The following METTL16 variants were observed in gnomAD, a reference collection of about 807,000 sequenced individuals.
The protein encoded by METTL16 is methyltransferase 16, RNA N6-adenosine, also known as RNA N(6)-adenosine-methyltransferase METTL16.
A neutral mutation model predicts 57.9 loss-of-function variants in METTL16; 19 were observed. That is an observed-to-expected ratio of 0.33 (90% CI 0.23 to 0.48). The LOEUF is 0.48. Ranked by LOEUF, METTL16 falls within the 20% of genes least tolerant of loss-of-function variation. The pLI, the probability that METTL16 is intolerant of heterozygous loss-of-function variation, is 0.99. For missense variants in METTL16, 434 were observed against 691.5 expected, an observed-to-expected ratio of 0.63 and a Z score of 4.18; for synonymous variants, 246 against 255.6, an observed-to-expected ratio of 0.96 and a Z score of 0.36.
At chr17:2,440,994 AAAGAAG>A (rs56938960) in intron 7 of METTL16, among the ~76,000 whole-genome samples, 20 of 118,916 alleles carry the variant, frequency 1.7e-4, no homozygotes, top group African/African-American at 3.3e-4. Flanking sequence ...AAAAAAAAAA[AAAGAAG>A]AAGAAGAAGA....
At chr17:2,507,520 G>T (rs1395357897) in intron 1 of METTL16, among the ~76,000 whole-genome samples, 1 of 146,484 alleles carries the variant, frequency 6.8e-6, no homozygotes, top group Non-Finnish European at 1.5e-5. Flanking sequence ...TCAGCCCCCC[G>T]CCCGGCCAGC....
chr17:2,428,594 TA>T (rs1371034775), intron 8 of METTL16, among the ~76,000 whole-genome samples: 14,164 of 49,850 alleles, frequency 0.28, 2,351 homozygotes, highest in East Asian at 0.58. Flanking sequence ...TATATATATA[TA>T]TATATATAAA....
Position 2,446,773 on chromosome 17 carries a change from G to A in METTL16, c.729-5214C>T, listed in dbSNP as rs555717541. Among the ~76,000 whole-genome samples the A allele has an allele frequency of 4.4e-4, 67 of 152,254 alleles. 1 individual carries two copies. The highest frequency in any genetic ancestry group is 1.4e-3 in the African/African-American group (60 of 41,574). ...TCTCGTTTTTTTTTTGGTGGAGACG[G>A]GGTTTTGCTGTGTTGGCCGGGCTGG... On this transcript the variant is annotated intron_variant, in intron 6 of 9. Transcript: ENST00000263092.
chr17:2,469,628 G>A (rs1382738542), intron 4 of METTL16, among the ~76,000 whole-genome samples: 4 of 152,118 alleles, frequency 2.6e-5, no homozygotes, highest in Non-Finnish European at 4.4e-5. Context: ...GGGTTCAAGC[G>A]ATTCTCCTGC....
At chr17:2,492,909 A>AAC (rs2067410727) in intron 2 of METTL16, among the ~76,000 whole-genome samples, 1 of 139,766 alleles carries the variant, frequency 7.2e-6, no homozygotes, top group East Asian at 2.2e-4. Flanking sequence ...AAAAAAAAAA[A>AAC]AAAAAAACAA....
chr17:2,433,644 C>T (rs1482283755), intron 8 of METTL16, among the ~76,000 whole-genome samples: 2 of 152,110 alleles, frequency 1.3e-5, no homozygotes, highest in African/African-American at 4.8e-5. Context: ...GTAGTTCACT[C>T]GATTGCTGTC....
At chr17:2,448,802 TAAA>T (rs71150866) in intron 6 of METTL16, among the ~76,000 whole-genome samples, 23 of 43,620 alleles carry the variant, frequency 5.3e-4, no homozygotes, top group African/African-American at 9.1e-4. Context: ...AAATAAAATT[TAAA>T]AAAAAAAAAA....
chr17:2,490,623 AAAT>A (rs1217183821), intron 2 of METTL16, among the ~76,000 whole-genome samples: 2 of 152,180 alleles, frequency 1.3e-5, no homozygotes, highest in Non-Finnish European at 2.9e-5. Flanking sequence ...GTATAGTAAA[AAAT>A]AATTCCTTTT....
chr17:2,489,283 T>C (rs1450997925), intron 2 of METTL16, among the ~76,000 whole-genome samples: 1 of 152,068 alleles, frequency 6.6e-6, no homozygotes, highest in Non-Finnish European at 1.5e-5. Context: ...ATTCCTATGC[T>C]AACTAAAGAG....
intron 8 of METTL16, among the ~76,000 whole-genome samples, chr17:2,425,979 C>T (rs1201776080): frequency 6.9e-6 from 1 of 144,738 alleles, no homozygotes; most frequent in African/African-American, 2.6e-5. Flanking sequence ...TGTGGTGTAG[C>T]TTGACACAGA....
At chr17:2,500,539 C>A (rs1261794243) in intron 2 of METTL16, among the ~76,000 whole-genome samples, 4 of 152,126 alleles carry the variant, frequency 2.6e-5, no homozygotes, top group Non-Finnish European at 5.9e-5. Context: ...ACCTTGGCCT[C>A]CCAAAGTGCT....
intron 2 of METTL16, among the ~76,000 whole-genome samples, chr17:2,495,171 A>G (rs376256181): frequency 6.6e-6 from 1 of 151,842 alleles, no homozygotes; most frequent in South Asian, 2.1e-4. Context: ...GTGAAACAAC[A>G]ACGACAAAAA....
intron 8 of METTL16, among the ~76,000 whole-genome samples, chr17:2,433,657 G>A (rs1246333874): frequency 1.3e-5 from 2 of 152,156 alleles, no homozygotes. Flanking sequence ...TTGCTGTCAG[G>A]TGGAAATAAA....
At chr17:2,508,135 A>G (rs1443250029) in intron 1 of METTL16, among the ~76,000 whole-genome samples, 1 of 152,200 alleles carries the variant, frequency 6.6e-6, no homozygotes. Flanking sequence ...AAAAAAAAAA[A>G]AAAGACAAAT....
chr17:2,446,230 T>C (rs1444343831), intron 6 of METTL16, among the ~76,000 whole-genome samples: 1 of 152,114 alleles, frequency 6.6e-6, no homozygotes, highest in African/African-American at 2.4e-5. Context: ...TGCCTTAAGA[T>C]TGGGAATGAT....
chr17:2,424,570 T>A (rs1018346414), intron 8 of METTL16, among the ~76,000 whole-genome samples: 16 of 152,176 alleles, frequency 1.1e-4, no homozygotes, highest in African/African-American at 3.6e-4. Context: ...AGATTTCTAA[T>A]GAACTGCTCT....
chr17:2,427,842 A>T (rs2066830802), intron 8 of METTL16, among the ~76,000 whole-genome samples: 1 of 151,876 alleles, frequency 6.6e-6, no homozygotes, highest in South Asian at 2.1e-4. Context: ...TGCTGGGTAC[A>T]GTGGCTCACA....
chr17:2,470,008 G>A (rs1252771859), intron 4 of METTL16, among the ~76,000 whole-genome samples: 1 of 152,092 alleles, frequency 6.6e-6, no homozygotes, highest in East Asian at 1.9e-4. Context: ...GGAAATACAG[G>A]GTTAGGTTCC....
At chr17:2,423,688 A>G (rs1242735694) in intron 8 of METTL16, among the ~76,000 whole-genome samples, 2 of 152,108 alleles carry the variant, frequency 1.3e-5, no homozygotes, top group Non-Finnish European at 2.9e-5. Context: ...AAGCATGGCT[A>G]AAAGGGCAGC....
Sources: gnomAD v4.1 joint callset for allele counts (sites outside exome capture counted in the v4.1 genomes callset) on GRCh38, gnomAD v4.1.1 for gene constraint, MANE v1.5 for transcripts, NCBI Gene and HGNC (gene_info 2026-07-23, HGNC 2026-07-21) for gene names.